The following SEPTIN4 variants were observed in gnomAD, a reference collection of about 807,000 sequenced individuals.
The protein encoded by SEPTIN4 is septin-4.
Under a neutral mutation model 107.1 loss-of-function variants are expected in SEPTIN4, and 52 were observed. That is an observed-to-expected ratio of 0.49 (90% confidence interval 0.39 to 0.61). The LOEUF (loss-of-function observed/expected upper bound fraction) is 0.61. Among genes scored for constraint, SEPTIN4 ranks in the 20% least tolerant of loss-of-function variants. SEPTIN4 has a pLI of 0.00. For synonymous variants in SEPTIN4, 417 were observed against 467.0 expected (o/e 0.89, Z 1.38); for missense variants, 1,048 against 1,243.5 (o/e 0.84, Z 2.36).
Position 58,543,250 on chromosome 17 carries a change from C to G in SEPTIN4, c.937G>C (p.Val313Leu). 11 of 1,614,130 alleles carry G rather than the reference C, an allele frequency of 6.8e-6. No individual in the cohort carries two copies. Among genetic ancestry groups the G allele is most frequent in the Non-Finnish European group, 9.3e-6 (11 of 1,180,028 alleles). ...PETKPSAKVLVSSQVESNVRT... is the reference protein window; with the variant it reads ...PETKPSAKVLLSSQVESNVRT... ...ACGTTGGACTCCACCTGTGATGATA[C>G]TAAGACCTTTGCGGAGGGCTTGGTT... Residue 313 changes from valine to leucine, a missense_variant, in exon 1 of 14, where the codon GTA becomes CTA. Around this residue, in one of 2 missense-constraint regions of SEPTIN4, gnomAD observed 787 missense variants for 871.8 expected, o/e 0.90. Transcript: ENST00000672673.
At chr17:58,541,712 T>C in intron 2 of SEPTIN4, 1 of 1,425,584 alleles carries the variant, frequency 7.0e-7, no homozygotes, top group Non-Finnish European at 9.5e-7. Context: ...AAGGAGACTC[T>C]TGAAAATGGA....
chr17:58,525,943 G>T, intron 5 of SEPTIN4, 162 bp from the exon 6 acceptor site: 1 of 854,982 alleles, frequency 1.2e-6, no homozygotes, highest in Non-Finnish European at 1.8e-6. Context: ...ACAGAGATTG[G>T]CTTGGGGGAG....
chr17:58,538,979 G>A lies in SEPTIN4; in HGVS notation c.1614+1687C>T, dbSNP rs2144251409. ...CCATTCCCAGATCAGAGGAATCAGA[G>A]GCCTTGGACACCAGCACCACAGCGT... On this transcript the variant is annotated intron_variant, in intron 3 of 13. Coordinates refer to ENST00000672673, the MANE Select transcript of SEPTIN4 (RefSeq NM_001368771.2). This position sits in a 1 kb window ranked among gnomAD's most constrained non-coding sequence, Gnocchi z 4.7. 1 of 516,580 alleles carries A rather than the reference G, an allele frequency of 1.9e-6. No individual in the cohort carries two copies. The highest frequency in any genetic ancestry group is 3.4e-6 in the Non-Finnish European group (1 of 294,240). 32.0% of individuals were successfully genotyped at this position (516,580 alleles called of 1,614,324 possible).
chr17:58,524,991 G>C, intron 7 of SEPTIN4, 87 bp downstream of exon 7: 1 of 1,565,358 alleles, frequency 6.4e-7, no homozygotes, highest in Non-Finnish European at 8.7e-7. Context: ...CTCCTGATAA[G>C]TATGGATATA....
intron 7 of SEPTIN4, 161 bp downstream of exon 7, chr17:58,524,917 T>C: frequency 2.4e-6 from 2 of 833,664 alleles, no homozygotes; most frequent in Non-Finnish European, 3.8e-6. Context: ...TCCCTCTTAC[T>C]TTATAAAGGA....
At chr17:58,533,400 C>T (rs1010789345) in intron 3 of SEPTIN4, among the ~76,000 whole-genome samples, 1 of 152,178 alleles carries the variant, frequency 6.6e-6, no homozygotes, top group Non-Finnish European at 1.5e-5. Context: ...GATTTCTAAG[C>T]TTCCTTACAG....
intron 7 of SEPTIN4, among the ~76,000 whole-genome samples, chr17:58,522,964 T>C (rs1463839529): frequency 6.6e-6 from 1 of 152,220 alleles, no homozygotes; most frequent in African/African-American, 2.4e-5. Flanking sequence ...TTCATATCCT[T>C]TGCTCTTCTA....
chr17:58,522,387 C>T (rs150840787), intron 7 of SEPTIN4, among the ~76,000 whole-genome samples: 14 of 152,080 alleles, frequency 9.2e-5, no homozygotes, highest in Middle Eastern at 3.4e-3. Context: ...AGGCTGGGCA[C>T]GGTGGCTTAC....
In SEPTIN4 at chr17:58,543,412, T is replaced by A; in HGVS notation, c.775A>T (p.Lys259Ter). 6.2e-7 allele frequency: 1 copy of A among 1,614,172 alleles called. No homozygotes were observed. Among genetic ancestry groups the A allele is most frequent in the South Asian group, 1.1e-5 (1 of 91,082 alleles). Residue 259 changes from lysine (K) to a stop codon, truncating the protein, a stop_gained, in exon 1 of 14, where the codon AAA becomes TAA. Transcript: ENST00000672673. LOFTEE classifies it high-confidence loss of function. Reference protein sequence around the residue: ...ETGPYGPIPSKPKALYRNMNL... With the variant: ...ETGPYGPIPS Reference sequence around the variant, plus strand: ...ATATTCCTATACAAGGCCTTGGGTTTTGAAGGAATTGGACCGTAAGGACCT... The same window carrying A: ...ATATTCCTATACAAGGCCTTGGGTTATGAAGGAATTGGACCGTAAGGACCT...
In SEPTIN4 at chr17:58,520,408, T is replaced by G; in HGVS notation, c.*18A>C. ...GGAAGAAGAGGAGGAGATTTAAATATCCAGGGCTGAAAGCCAGTTAATAGT... is the reference window on the plus strand; with the variant it reads ...GGAAGAAGAGGAGGAGATTTAAATAGCCAGGGCTGAAAGCCAGTTAATAGT... On this transcript the variant is annotated 3_prime_UTR_variant, in exon 14 of 14. Coordinates refer to ENST00000672673, the MANE Select transcript of SEPTIN4 (RefSeq NM_001368771.2). 1 of 1,611,900 alleles carries G rather than the reference T, an allele frequency of 6.2e-7. No individual in the cohort carries two copies. The highest frequency in any genetic ancestry group is 8.5e-7 in the Non-Finnish European group (1 of 1,179,472).
intron 3 of SEPTIN4, among the ~76,000 whole-genome samples, chr17:58,539,790 ACTTACTGT>A (rs1397943882): frequency 6.6e-6 from 1 of 152,054 alleles, no homozygotes; most frequent in Non-Finnish European, 1.5e-5. Context: ...GGAGGGAGGG[ACTTACTGT>A]CTTGCATGGA....
chr17:58,529,239 C>T (rs2144162516), intron 3 of SEPTIN4: 2 of 1,613,878 alleles, frequency 1.2e-6, no homozygotes, highest in African/African-American at 1.3e-5. Context: ...GGCAAAGTTC[C>T]TCACACACAG....
chr17:58,543,232 A>G lies in SEPTIN4; in HGVS notation c.955T>C (p.Ser319Pro). The G allele has an allele frequency of 1.2e-6, 2 of 1,613,590 alleles. No individual in the cohort carries two copies. Among genetic ancestry groups the G allele is most frequent in the Non-Finnish European group, 1.7e-6 (2 of 1,179,900 alleles). ...CCTCGGATTGGGGTCCTCACGTTGG[A>G]CTCCACCTGTGATGATACTAAGACC... is the stretch of plus-strand genomic sequence containing the variant. ...AKVLVSSQVE[S>P]NVRTPIRGNS... The change falls in exon 1 of 14, where the codon TCC becomes CCC. Residue 319 changes from serine (S) to proline (P), a missense_variant. Around this residue, in one of 2 missense-constraint regions of SEPTIN4, gnomAD observed 787 missense variants for 871.8 expected, o/e 0.90. Coordinates refer to ENST00000672673, the MANE Select transcript of SEPTIN4 (RefSeq NM_001368771.2).
intron 3 of SEPTIN4, chr17:58,527,736 GAGCCTGGGAA>G: frequency 1.5e-6 from 1 of 654,576 alleles, no homozygotes; most frequent in South Asian, 6.8e-5. Flanking sequence ...GAGGATGGAA[GAGCCTGGGAA>G]AGGCTGGGCC....
chr17:58,542,443 C>T (rs1051917740), intron 1 of SEPTIN4, among the ~76,000 whole-genome samples, 183 bp downstream of exon 1: 1 of 152,156 alleles, frequency 6.6e-6, no homozygotes, highest in Non-Finnish European at 1.5e-5. Context: ...ATGTCATTAG[C>T]TTGGAGCACA....
chr17:58,530,161 T>C (rs576663279), intron 3 of SEPTIN4: 12 of 152,340 alleles, frequency 7.9e-5, no homozygotes, highest in Admixed American at 5.2e-4. Context: ...GGTGGAAACA[T>C]CTTTTGTGAG....
At chr17:58,523,203 T>C (rs1480792286) in intron 7 of SEPTIN4, among the ~76,000 whole-genome samples, 1 of 151,758 alleles carries the variant, frequency 6.6e-6, no homozygotes, top group Non-Finnish European at 1.5e-5. Context: ...GAGACCCCCA[T>C]CTCTACAAAA....
At chr17:58,525,025 GT>G in intron 7 of SEPTIN4, 52 bp downstream of exon 7, 1 of 1,611,924 alleles carries the variant, frequency 6.2e-7, no homozygotes, top group South Asian at 1.1e-5. Context: ...GTGTACCTGT[GT>G]ATGGAGAAGG....
intron 3 of SEPTIN4, chr17:58,527,185 C>T: frequency 1.1e-6 from 1 of 916,672 alleles, no homozygotes; most frequent in Non-Finnish European, 1.8e-6. Flanking sequence ...ATCCAATATG[C>T]CAGGAAGGGT....
Sources: gnomAD v4.1 joint callset for allele counts (sites outside exome capture counted in the v4.1 genomes callset) on GRCh38, gnomAD v4.1.1 for gene constraint, gnomAD v4.1.1 regional missense constraint, Gnocchi (gnomAD v3.1) non-coding constraint, MANE v1.5 for transcripts, NCBI Gene and HGNC (gene_info 2026-07-23, HGNC 2026-07-21) for gene names.